The following TENM4 variants were observed in gnomAD, a reference collection of about 807,000 sequenced individuals.
The protein encoded by TENM4 is teneurin transmembrane protein 4, also known as teneurin-4.
A neutral mutation model predicts 243.3 loss-of-function variants in TENM4; 82 were observed. The observed-to-expected ratio is 0.34, with a 90% CI of 0.28 to 0.40. The LOEUF is 0.40. TENM4 is among the 10% of genes least tolerant of loss of function. The pLI, the probability that TENM4 is intolerant of heterozygous loss-of-function variation, is 1.00. For synonymous variants in TENM4, 1,412 were observed against 1,456.3 expected (o/e 0.97, Z 0.69); for missense variants, 3,138 against 3,673.3 (o/e 0.85, Z 3.77).
At chr11:78,725,259 C>T (rs1453099654) in intron 23 of TENM4, among the ~76,000 whole-genome samples, 1 of 152,186 alleles carries the variant, frequency 6.6e-6, no homozygotes, top group Non-Finnish European at 1.5e-5. Context: ...AGTCTGTATT[C>T]TATCGTAAAT....
In TENM4 at chr11:78,938,314, G is replaced by C. The variant is rs376164852; in HGVS notation, c.494-34791C>G. On this transcript the variant is annotated intron_variant, in intron 6 of 33. Transcript: ENST00000278550. ...GATTCACCTAAAACTTGCAAAAATA[G>C]TACAAAGAGTTCCTATGCACTTTTC... 2.6e-5 allele frequency among the ~76,000 whole-genome samples: 4 copies of C among 152,232 alleles called. No homozygotes were observed. The South Asian group carries it at 8.3e-4, about 32-fold the overall frequency.
chr11:79,049,955 T>C (rs770675305), intron 6 of TENM4, among the ~76,000 whole-genome samples: 6 of 152,230 alleles, frequency 3.9e-5, no homozygotes, highest in Non-Finnish European at 5.9e-5. Context: ...TGCTTTTTTT[T>C]CCCTTTTGCT....
At chr11:79,062,622 T>C (rs926868250) in intron 6 of TENM4, among the ~76,000 whole-genome samples, 5 of 152,198 alleles carry the variant, frequency 3.3e-5, no homozygotes, top group African/African-American at 1.2e-4. Context: ...AACAGCCCCT[T>C]ACCCCATCTA....
intron 2 of TENM4, among the ~76,000 whole-genome samples, chr11:79,243,022 GC>G (rs1487000041): frequency 6.6e-6 from 1 of 152,140 alleles, no homozygotes; most frequent in African/African-American, 2.4e-5. Context: ...TTCCTCTAGT[GC>G]CCCTTGGGAG....
intron 17 of TENM4, among the ~76,000 whole-genome samples, chr11:78,776,075 TC>T (rs1227023002): frequency 2.0e-5 from 3 of 152,136 alleles, no homozygotes; most frequent in Non-Finnish European, 4.4e-5. Context: ...CATATTCACT[TC>T]CCTAGACAAA....
intron 6 of TENM4, among the ~76,000 whole-genome samples, chr11:79,033,624 A>G (rs906242630): frequency 2.0e-5 from 3 of 152,228 alleles, no homozygotes; most frequent in Non-Finnish European, 4.4e-5. Context: ...CAGTGGGTCA[A>G]TAAAACCTGA....
Position 79,016,024 on chromosome 11 carries a change from G to A in TENM4, c.493+48714C>T, listed in dbSNP as rs557739730. ...CAAGGGCGAGCCTGATGAGACCAAG[G>A]TACTGAGAGTGTGGCTGGGGCATGG... On this transcript the variant is annotated intron_variant, in intron 6 of 33. Transcript: ENST00000278550. 3.0e-3 allele frequency among the ~76,000 whole-genome samples: 463 copies of A among 152,302 alleles called. 4 individuals are homozygous for A. The highest frequency in any genetic ancestry group is 0.011 in the African/African-American group (450 of 41,564).
At chr11:78,897,173 G>C (rs956164201) in intron 7 of TENM4, among the ~76,000 whole-genome samples, 1 of 152,162 alleles carries the variant, frequency 6.6e-6, no homozygotes, top group African/African-American at 2.4e-5. Context: ...GAGCCTCCCT[G>C]ATTGGCAACA....
At chr11:78,793,901 C>T (rs1857110530) in intron 15 of TENM4, among the ~76,000 whole-genome samples, 1 of 152,192 alleles carries the variant, frequency 6.6e-6, no homozygotes, top group Non-Finnish European at 1.5e-5. Context: ...TGAGTGTATC[C>T]CCTGATTGTT....
chr11:79,178,829 C>A (rs977340934), intron 3 of TENM4, among the ~76,000 whole-genome samples: 3 of 152,220 alleles, frequency 2.0e-5, no homozygotes, highest in African/African-American at 4.8e-5. Context: ...TGAGCCATCA[C>A]CCCCATGAAG....
chr11:78,910,103 G>A (rs989337675), intron 6 of TENM4, among the ~76,000 whole-genome samples: 1 of 152,172 alleles, frequency 6.6e-6, no homozygotes, highest in Non-Finnish European at 1.5e-5. Context: ...TTTGGCTCAG[G>A]CAAGGAACTC....
intron 4 of TENM4, among the ~76,000 whole-genome samples, chr11:79,073,283 C>G (rs1860462686): frequency 6.6e-6 from 1 of 152,190 alleles, no homozygotes; most frequent in South Asian, 2.1e-4. Flanking sequence ...CACCTCGCTT[C>G]CATCTTGCTG....
intron 3 of TENM4, among the ~76,000 whole-genome samples, chr11:79,161,242 C>T (rs1476344443): frequency 2.0e-5 from 3 of 152,188 alleles, no homozygotes; most frequent in Non-Finnish European, 4.4e-5. Context: ...AGGAGGAAAC[C>T]TCTTTGCCCA....
At chr11:79,201,019 T>C (rs964039996) in intron 3 of TENM4, among the ~76,000 whole-genome samples, 7 of 152,214 alleles carry the variant, frequency 4.6e-5, no homozygotes, top group Non-Finnish European at 1.0e-4. Context: ...AAGTTCGTGC[T>C]GCAGAGGGTC....
chr11:78,701,922 C>T lies in TENM4; in HGVS notation c.4691G>A (p.Arg1564Gln), dbSNP rs771067289. The change falls in exon 28 of 34, where the codon CGG becomes CAG. Residue 1564 changes from arginine to glutamine, a missense_variant. Physicochemically the swap from Arg to Gln is conservative, Grantham distance 43 (BLOSUM62 1). Coordinates refer to ENST00000278550, the MANE Select transcript of TENM4 (RefSeq NM_001098816.3). ...DLGNIRIRFI[R>Q]KNKPFLNTQN... ...GGTGTTGAGGAAAGGCTTGTTCTTC[C>T]GGATAAACCGAATTCGGATGTTCCC... 1.2e-5 allele frequency: 20 copies of T among 1,613,838 alleles called. No homozygotes were observed. The highest frequency in any genetic ancestry group is 5.0e-5 in the Admixed American group (3 of 60,000).
At chr11:79,118,272 A>G (rs1861662639) in intron 4 of TENM4, among the ~76,000 whole-genome samples, 1 of 152,160 alleles carries the variant, frequency 6.6e-6, no homozygotes, top group African/African-American at 2.4e-5. Flanking sequence ...AATGATAAAG[A>G]GAAGAGAAAG....
At chr11:78,930,662 A>T (rs619139) in intron 6 of TENM4, among the ~76,000 whole-genome samples, 85,456 of 152,184 alleles carry the variant, frequency 0.56, 25,885 homozygotes, top group East Asian at 0.78. Flanking sequence ...CGGGTTCTCA[A>T]TGGAAGTTTG....
intron 9 of TENM4, among the ~76,000 whole-genome samples, chr11:78,883,697 A>G (rs954887934): frequency 4.6e-5 from 7 of 152,272 alleles, no homozygotes; most frequent in Non-Finnish European, 2.9e-5. Context: ...TGCGTTTTAC[A>G]TACACATTCA....
intron 2 of TENM4, among the ~76,000 whole-genome samples, chr11:79,288,286 TG>T (rs1197876956): frequency 2.6e-5 from 4 of 152,208 alleles, no homozygotes; most frequent in African/African-American, 9.6e-5. Context: ...TCCTTACCAC[TG>T]GAATATCTTC....
Sources: allele counts gnomAD v4.1 joint callset (sites outside exome capture counted in the v4.1 genomes callset), GRCh38; gene constraint gnomAD v4.1.1; transcripts MANE v1.5; gene names NCBI Gene and HGNC (gene_info 2026-07-23, HGNC 2026-07-21).